The following MUC4 variants were observed in gnomAD, a reference collection of about 807,000 sequenced individuals.
MUC4 encodes the protein mucin-4.
Under a neutral mutation model 257.9 loss-of-function variants are expected in MUC4, and 202 were observed. That is an observed-to-expected ratio of 0.78 (90% CI 0.70 to 0.88). The LOEUF (loss-of-function observed/expected upper bound fraction) is 0.88. Ranked by LOEUF, MUC4 falls within the 40% of genes least tolerant of loss-of-function variation. MUC4 has a pLI of 0.00. For synonymous variants in MUC4, 2,351 were observed against 2,757.1 expected (o/e 0.85, Z 4.62); for missense variants, 5,976 against 6,513.7 (o/e 0.92, Z 2.84).
At chr3:195,752,730 A>G (rs2432531) in intron 20 of MUC4, among the ~76,000 whole-genome samples, 2 of 152,048 alleles carry the variant, frequency 1.3e-5, no homozygotes, top group African/African-American at 2.4e-5. Context: ...AGGTTGCTGA[A>G]GAAACCGGGA....
At position 195,771,558 on chromosome 3, in the gene MUC4, C is replaced by T; in HGVS notation, c.13242+94G>A. The T allele has an allele frequency of 3.5e-6, 5 of 1,429,174 alleles. 1 individual carries two copies. The South Asian group carries it at 6.7e-5, about 19-fold the overall frequency. 88.5% of individuals were successfully genotyped at this position (1,429,174 alleles called of 1,614,324 possible). A position where few individuals can be genotyped will look rare whatever the true frequency, so the allele number is the denominator to read the frequency against. ...CTCAGTCCCCTGCTGCAGGGGCTGT[C>T]ACAGCAGCAACTCTGGCAAAGCCTT... On this transcript the variant is annotated intron_variant, in intron 5 of 24. Transcript: ENST00000463781.
In MUC4 at chr3:195,789,967, G is replaced by T. The variant is rs1412531641; in HGVS notation, c.1613C>A (p.Ala538Glu). The T allele has an allele frequency of 1.9e-6, 3 of 1,613,956 alleles. No individual in the cohort carries two copies. In the Admixed American group the frequency reaches 5.0e-5, roughly 27 times the overall value. Reference sequence around the variant, plus strand: ...GGTGGGCTCTCCTGGTTCCCCTATTGCTGAGACCTTAGAGGGGACCCTTGG... The same window carrying T: ...GGTGGGCTCTCCTGGTTCCCCTATTTCTGAGACCTTAGAGGGGACCCTTGG... ...TIPRVPSKVS[A>E]IGEPGEPTTY... Residue 538 changes from alanine to glutamate, a missense_variant, in exon 2 of 25, where the codon GCA becomes GAA. Ala to Glu is a moderately radical substitution (Grantham distance 107, BLOSUM62 -1). Coordinates refer to ENST00000463781, the MANE Select transcript of MUC4 (RefSeq NM_018406.7).
chr3:195,771,744 T>C lies in MUC4; in HGVS notation c.13150A>G (p.Thr4384Ala). ...QIFSYPNPLP[T>A]GFTGRDPVAL... ...ACAGGGTCCCGGCCTGTGAAGCCTG[T>C]TGGGAGTGGGTTGGGGTAGGAGAAA... Residue 4384 changes from threonine to alanine, a missense_variant, in exon 5 of 25, where the codon ACA (threonine) becomes GCA (alanine). This residue lies in a region of MUC4 where 996 missense variants were observed against 1,137.3 expected (regional missense o/e 0.88). Coordinates refer to ENST00000463781, the MANE Select transcript of MUC4 (RefSeq NM_018406.7). The C allele has an allele frequency of 6.2e-7, 1 of 1,613,838 alleles. No individual in the cohort carries two copies. Among genetic ancestry groups the C allele is most frequent in the South Asian group, 1.1e-5 (1 of 91,080 alleles).
chr3:195,791,372 T>C lies in MUC4; in HGVS notation c.208A>G (p.Ile70Val), dbSNP rs1733846566. 2 of 1,614,034 alleles carry C rather than the reference T, an allele frequency of 1.2e-6. No individual in the cohort carries two copies. The highest frequency in any genetic ancestry group is 1.7e-6 in the Non-Finnish European group (2 of 1,179,896). Reference sequence around the variant, plus strand: ...TGGTGGTTCTGAGATGAAGCTGATATGTCCTGATTAGAGGTCCTTGAAGAA... The same window carrying C: ...TGGTGGTTCTGAGATGAAGCTGATACGTCCTGATTAGAGGTCCTTGAAGAA... ...AASSRTSNQDISASSQNHQTK... is the reference protein window; with the variant it reads ...AASSRTSNQDVSASSQNHQTK... Residue 70 changes from isoleucine to valine, a missense_variant, in exon 2 of 25, where the codon ATA (isoleucine) becomes GTA (valine). Ile to Val is a conservative substitution (Grantham distance 29, BLOSUM62 3). Coordinates refer to ENST00000463781, the MANE Select transcript of MUC4 (RefSeq NM_018406.7).
chr3:195,763,683 T>C lies in MUC4; in HGVS notation c.14045-42A>G, dbSNP rs1719739118. On this transcript the variant is annotated intron_variant, in intron 11 of 24. Transcript: ENST00000463781. ...GATGCTGCCTCAGCATGACAAATCA[T>C]GTGTAGGGCTGAGGTTCCTCACTGC... The C allele has an allele frequency of 1.0e-5, 15 of 1,444,728 alleles. No individual in the cohort carries two copies. The South Asian group carries it at 1.9e-4, about 18-fold the overall frequency. The allele number at this position is 1,444,728 out of a possible 1,614,324, so 89.5% of individuals were successfully genotyped here.
At chr3:195,791,563 A>G (rs1285407228) in intron 1 of MUC4, 66 bp from the exon 2 acceptor site, 8 of 1,012,680 alleles carry the variant, frequency 7.9e-6, no homozygotes, top group Non-Finnish European at 1.2e-5. Context: ...CACAATTGCT[A>G]CAAATAGAAT....
At chr3:195,778,631 T>C (rs1048407802) in intron 2 of MUC4, among the ~76,000 whole-genome samples, 159 bp downstream of exon 2, 1 of 152,108 alleles carries the variant, frequency 6.6e-6, no homozygotes, top group South Asian at 2.1e-4. Flanking sequence ...CAAAGGAGGG[T>C]GAGCCTGTCA....
rs545062683 is a variant in MUC4 at position 195,784,580 on chromosome 3, T to C, written c.7000A>G (p.Thr2334Ala). The C allele has an allele frequency of 1.4e-3, 1,671 of 1,228,184 alleles. 55 individuals are homozygous for C. The highest frequency in any genetic ancestry group is 7.4e-3 in the Middle Eastern group (20 of 2,694). 76.1% of individuals were successfully genotyped at this position (1,228,184 alleles called of 1,614,324 possible). A position where few individuals can be genotyped will look rare whatever the true frequency, so the allele number is the denominator to read the frequency against. The change falls in exon 2 of 25, where the codon ACC (threonine) becomes GCC (alanine). Residue 2334 changes from threonine to alanine, a missense_variant. Transcript: ENST00000463781. ...GGGCTAGTGACAGGAAGAGGCGTGG[T>C]GTCACCTGTGGATGCTGAGGAAAGG... is the stretch of plus-strand genomic sequence containing the variant. Reference protein sequence around the residue: ...TSLSSASTGDTTPLPVTSPSS... With the variant: ...TSLSSASTGDATPLPVTSPSS...
chr3:195,781,202 T>C lies in MUC4; in HGVS notation c.10378A>G (p.Thr3460Ala), dbSNP rs1560317831. 31 of 1,409,502 alleles carry C rather than the reference T, an allele frequency of 2.2e-5. No homozygotes were observed. Among genetic ancestry groups the C allele is most frequent in the Non-Finnish European group, 2.7e-5 (28 of 1,054,064 alleles). The allele number at this position is 1,409,502 out of a possible 1,614,324, so 87.3% of individuals were successfully genotyped here. A position where few individuals can be genotyped will look rare whatever the true frequency, so the allele number is the denominator to read the frequency against. ...CCTGTGGATGCTGAGGAAGTGTCGGTGACAGGAAGAGGGGTGGTGTGACCT... is the reference window on the plus strand; with the variant it reads ...CCTGTGGATGCTGAGGAAGTGTCGGCGACAGGAAGAGGGGTGGTGTGACCT... ...STGHTTPLPV[T>A]DTSSASTGDT... The change falls in exon 2 of 25, where the codon ACC becomes GCC. Residue 3460 changes from threonine to alanine, a missense_variant. Physicochemically the swap from Thr to Ala is moderately conservative, Grantham distance 58. Coordinates refer to ENST00000463781, the MANE Select transcript of MUC4 (RefSeq NM_018406.7).
intron 5 of MUC4, 42 bp downstream of exon 5, chr3:195,771,610 A>T (rs1001640854): frequency 1.9e-6 from 3 of 1,597,130 alleles, no homozygotes; most frequent in Non-Finnish European, 1.7e-6. Context: ...CTCCCCTGCC[A>T]GCTGCTGGGG....
At chr3:195,778,200 C>T (rs2148901903) in intron 3 of MUC4, 103 bp downstream of exon 3, 1 of 1,408,590 alleles carries the variant, frequency 7.1e-7, no homozygotes, top group South Asian at 1.5e-5. Flanking sequence ...CTCGGTAAGG[C>T]CCTCCCCACC....
Position 195,790,037 on chromosome 3 carries a change from T to C in MUC4, c.1543A>G (p.Arg515Gly). Reference sequence around the variant, plus strand: ...GTAGATGGATTTCCTGTGACAAGCCTAGTGGCAGCACCTGTTGATGTTGAG... The same window carrying C: ...GTAGATGGATTTCCTGTGACAAGCCCAGTGGCAGCACCTGTTGATGTTGAG... ...LPSTSTGAAT[R>G]LVTGNPSTGT... is the part of the protein sequence containing the mutation. The change falls in exon 2 of 25, where the codon AGG becomes GGG. Residue 515 changes from arginine to glycine, a missense_variant. By Grantham distance (125) the Arg-to-Gly change is moderately radical. This residue lies in a region of MUC4 where 1,583 missense variants were observed against 1,257.4 expected (regional missense o/e 1.26). Transcript: ENST00000463781. 6.2e-7 allele frequency: 1 copy of C among 1,614,038 alleles called. No individual in the cohort carries two copies.
rs1412025334 is a variant in MUC4 at position 195,753,197 on chromosome 3, G to C, written c.15362C>G (p.Ser5121Cys). 1 of 1,614,026 alleles carries C rather than the reference G, an allele frequency of 6.2e-7. No homozygotes were observed. Among genetic ancestry groups the C allele is most frequent in the South Asian group, 1.1e-5 (1 of 91,068 alleles). Residue 5121 changes from serine to cysteine, a missense_variant, in exon 20 of 25, where the codon TCC becomes TGC. Ser to Cys is a moderately radical substitution (Grantham distance 112). This residue lies in a region of MUC4 where 996 missense variants were observed against 1,137.3 expected (regional missense o/e 0.88). Transcript: ENST00000463781. The stretch of plus-strand genomic sequence containing the variant: ...ATTGTAGCAGTAATTCACAGGGCAG[G>C]ACTGGTTCTGACACAGGAAAGAGCT... ...LGSSFLCQNQ[S>C]CPVNYCYNQG... is the part of the protein sequence containing the mutation.
chr3:195,800,989 C>G (rs1052575913), intron 1 of MUC4, among the ~76,000 whole-genome samples: 1 of 151,990 alleles, frequency 6.6e-6, no homozygotes, highest in Non-Finnish European at 1.5e-5. Context: ...GGTCCGTGGA[C>G]CCCACGTTCA....
In MUC4 at chr3:195,786,928, G is replaced by C. The variant is rs776032209; in HGVS notation, c.4652C>G (p.Thr1551Ser). 1 of 1,350,260 alleles carries C rather than the reference G, an allele frequency of 7.4e-7. No individual in the cohort carries two copies. Among genetic ancestry groups the C allele is most frequent in the Middle Eastern group, 2.5e-4 (1 of 4,072 alleles). 83.6% of individuals were successfully genotyped at this position (1,350,260 alleles called of 1,614,324 possible). A position where few individuals can be genotyped will look rare whatever the true frequency, so the allele number is the denominator to read the frequency against. ...GGAAGCGTCGGTGACAGGAAGAGGG[G>C]TGGTGTCACCTGTGGATGCTGAGGA... ...SPSSASTGDT[T>S]PLPVTDASSV... Residue 1551 changes from threonine (T) to serine (S), a missense_variant, in exon 2 of 25, where the codon ACC becomes AGC. Thr to Ser is a moderately conservative substitution (Grantham distance 58). Coordinates refer to ENST00000463781, the MANE Select transcript of MUC4 (RefSeq NM_018406.7).
At chr3:195,799,975 T>C (rs1735089488) in intron 1 of MUC4, among the ~76,000 whole-genome samples, 1 of 152,140 alleles carries the variant, frequency 6.6e-6, no homozygotes, top group Admixed American at 6.5e-5. Context: ...GCTCTTTGCT[T>C]CACAGCATCG....
intron 1 of MUC4, among the ~76,000 whole-genome samples, chr3:195,804,313 C>T (rs1466540091): frequency 6.6e-6 from 1 of 152,174 alleles, no homozygotes; most frequent in African/African-American, 2.4e-5. Flanking sequence ...ATGTGAAGGC[C>T]GAGTGGCAGT....
chr3:195,783,596 G>C lies in MUC4; in HGVS notation c.7984C>G (p.Leu2662Val). ...GTGTCACCTGTGGATACTGAGGAAA[G>C]GCTGGTGACAGGAAGAGGGGTGGCC... ...GQATPLPVTSLSSVSTGDTTP... is the reference protein window; with the variant it reads ...GQATPLPVTSVSSVSTGDTTP... Residue 2662 changes from leucine (L) to valine (V), a missense_variant, in exon 2 of 25, where the codon CTT becomes GTT. Transcript: ENST00000463781. 7.5e-6 allele frequency: 1 copy of C among 132,744 alleles called. No individual in the cohort carries two copies. The highest frequency in any genetic ancestry group is 1.3e-5 in the Non-Finnish European group (1 of 76,156). The allele number at this position is 132,744 out of a possible 1,614,324, so 8.2% of individuals were successfully genotyped here.
intron 7 of MUC4, among the ~76,000 whole-genome samples, 172 bp downstream of exon 7, chr3:195,768,850 G>A (rs73081320): frequency 0.063 from 9,598 of 152,262 alleles, 1,038 homozygotes; most frequent in African/African-American, 0.22. Flanking sequence ...TGATCTTGTC[G>A]TGGGAAGCAG....
Sources: allele counts gnomAD v4.1 joint callset (sites outside exome capture counted in the v4.1 genomes callset), GRCh38; gene constraint gnomAD v4.1.1; regional missense constraint gnomAD v4.1.1; transcripts MANE v1.5; gene names NCBI Gene and HGNC (gene_info 2026-07-23, HGNC 2026-07-21).